Variants in MTUS2 observed in about 807,000 individuals in gnomAD.
The protein encoded by MTUS2 is microtubule associated scaffold protein 2, also known as microtubule-associated tumor suppressor candidate 2.
In MTUS2, 40 loss-of-function variants were observed where a neutral mutation model predicts 114.1. That is an observed-to-expected ratio of 0.35 (90% confidence interval 0.27 to 0.46). The LOEUF (loss-of-function observed/expected upper bound fraction) is 0.46. Among genes scored for constraint, MTUS2 ranks in the 20% least tolerant of loss-of-function variants. MTUS2 has a pLI of 1.00. For missense variants in MTUS2, 1,679 were observed against 1,705.4 expected (o/e 0.98, Z 0.27); for synonymous variants, 688 against 672.0 (o/e 1.02, Z -0.37).
chr13:29,011,982 G>A (rs1312847897), intron 2 of MTUS2, among the ~76,000 whole-genome samples: 3 of 152,220 alleles, frequency 2.0e-5, no homozygotes, highest in Non-Finnish European at 4.4e-5. Flanking sequence ...CCTGTGTAAA[G>A]TGACCTGGTG....
intron 2 of MTUS2, among the ~76,000 whole-genome samples, chr13:28,910,346 T>G (rs1880334605): frequency 1.3e-5 from 2 of 151,700 alleles, no homozygotes; most frequent in African/African-American, 4.9e-5. Context: ...CCTTCCATTC[T>G]TTTTTTGTTC....
intron 8 of MTUS2, among the ~76,000 whole-genome samples, chr13:29,418,458 C>T (rs919853178): frequency 6.6e-6 from 1 of 152,196 alleles, no homozygotes; most frequent in Non-Finnish European, 1.5e-5. Flanking sequence ...TCTGCTCATA[C>T]AGATCAAGTA....
chr13:29,264,955 G>A (rs748367940), intron 5 of MTUS2, among the ~76,000 whole-genome samples: 3 of 152,214 alleles, frequency 2.0e-5, no homozygotes, highest in Non-Finnish European at 4.4e-5. Flanking sequence ...CTAGCAAGTG[G>A]TTGCTCCATA....
chr13:29,437,128 C>T (rs1877472860), intron 8 of MTUS2, among the ~76,000 whole-genome samples: 1 of 152,144 alleles, frequency 6.6e-6, no homozygotes, highest in Non-Finnish European at 1.5e-5. Context: ...TAACGTCCAG[C>T]AGGGGCCATG....
At chr13:29,155,499 C>A (rs377305926) in intron 5 of MTUS2, among the ~76,000 whole-genome samples, 1 of 152,166 alleles carries the variant, frequency 6.6e-6, no homozygotes, top group Non-Finnish European at 1.5e-5. Context: ...AGAAGCCATG[C>A]CCTCATGGGA....
chr13:29,358,632 G>T (rs1262539048), intron 7 of MTUS2, among the ~76,000 whole-genome samples: 2 of 152,214 alleles, frequency 1.3e-5, no homozygotes, highest in South Asian at 2.1e-4. Context: ...AGTGAGAGGG[G>T]ATGGCGGCTC....
intron 4 of MTUS2, among the ~76,000 whole-genome samples, chr13:29,058,594 T>A (rs1347296201): frequency 6.6e-6 from 1 of 150,618 alleles, no homozygotes; most frequent in Admixed American, 6.6e-5. Flanking sequence ...TTATTATTTT[T>A]TTATTTTTTT....
intron 1 of MTUS2, among the ~76,000 whole-genome samples, chr13:28,836,803 G>T (rs2137970859): frequency 6.6e-6 from 1 of 152,234 alleles, no homozygotes. Context: ...GGCTGAGCTG[G>T]AGCTGAGGGC....
chr13:29,180,467 C>T (rs1239962695), intron 5 of MTUS2, among the ~76,000 whole-genome samples: 1 of 152,166 alleles, frequency 6.6e-6, no homozygotes, highest in East Asian at 1.9e-4. Flanking sequence ...CTTACATAGG[C>T]AAATCTTAAG....
chr13:29,301,744 G>GT (rs1470607826), intron 6 of MTUS2, among the ~76,000 whole-genome samples: 3 of 152,202 alleles, frequency 2.0e-5, no homozygotes, highest in Non-Finnish European at 4.4e-5. Flanking sequence ...TAATCCATAG[G>GT]TTTTATCTTA....
chr13:29,452,877 TCCA>T (rs1878827176), intron 9 of MTUS2, among the ~76,000 whole-genome samples: 1 of 152,208 alleles, frequency 6.6e-6, no homozygotes, highest in Non-Finnish European at 1.5e-5. Context: ...GTCAGCTGCC[TCCA>T]CTGGTTTGGG....
rs867086824 is a variant in MTUS2 at position 29,148,668 on chromosome 13, C to T, written c.2644+47698C>T. Among the ~76,000 whole-genome samples the T allele has an allele frequency of 4.8e-3, 445 of 92,502 alleles. 38 individuals carry two copies. The highest frequency in any genetic ancestry group is 0.012 in the African/African-American group (417 of 34,842). The allele number at this position is 92,502 out of a possible 152,430, so 60.7% of individuals were successfully genotyped here. ...TAATTTTTTGTATTTTTAGTAGAGACGGGGTTTCACCGTTTTAGCCGGGAT... is the reference window on the plus strand; with the variant it reads ...TAATTTTTTGTATTTTTAGTAGAGATGGGGTTTCACCGTTTTAGCCGGGAT... On this transcript the variant is annotated intron_variant, in intron 5 of 15. Coordinates refer to ENST00000612955, the MANE Select transcript of MTUS2 (RefSeq NM_001033602.4).
intron 9 of MTUS2, among the ~76,000 whole-genome samples, chr13:29,443,139 T>C (rs953429858): frequency 1.3e-5 from 2 of 152,164 alleles, no homozygotes; most frequent in Non-Finnish European, 2.9e-5. Flanking sequence ...TTCCCCTTCA[T>C]AAAATGGAAA....
chr13:29,476,991 G>A (rs954501009), intron 9 of MTUS2: 1 of 152,174 alleles, frequency 6.6e-6, no homozygotes, highest in African/African-American at 2.4e-5. Flanking sequence ...CCCATCCACA[G>A]GTACATGATA....
intron 11 of MTUS2, among the ~76,000 whole-genome samples, chr13:29,492,034 T>TGTA (rs1566235703): frequency 6.7e-4 from 57 of 84,598 alleles, no homozygotes; most frequent in Admixed American, 1.9e-3. Flanking sequence ...GTGTGTGTAG[T>TGTA]GTGTGTGTAT....
chr13:29,218,975 TA>T (rs1234578404), intron 5 of MTUS2, among the ~76,000 whole-genome samples: 32 of 151,564 alleles, frequency 2.1e-4, no homozygotes, highest in Admixed American at 4.6e-4. Context: ...TTGTCATATA[TA>T]TTTTTTTTAT....
At chr13:29,202,483 C>G (rs964134783) in intron 5 of MTUS2, among the ~76,000 whole-genome samples, 15 of 152,132 alleles carry the variant, frequency 9.9e-5, no homozygotes, top group Admixed American at 9.8e-4. Flanking sequence ...ATTGGTATTA[C>G]ACACCTTCTG....
intron 2 of MTUS2, among the ~76,000 whole-genome samples, chr13:28,902,135 T>C (rs1879681726): frequency 6.6e-6 from 1 of 152,188 alleles, no homozygotes; most frequent in Non-Finnish European, 1.5e-5. Flanking sequence ...ATACTTGTTC[T>C]TATAAGCATA....
chr13:28,866,328 C>G (rs1274781989), intron 2 of MTUS2, among the ~76,000 whole-genome samples: 1 of 152,144 alleles, frequency 6.6e-6, no homozygotes, highest in Admixed American at 6.5e-5. Context: ...TTGTGAAATT[C>G]AGGTATCAGA....
Sources: allele counts gnomAD v4.1 joint callset (sites outside exome capture counted in the v4.1 genomes callset), GRCh38; gene constraint gnomAD v4.1.1; transcripts MANE v1.5; gene names NCBI Gene and HGNC (gene_info 2026-07-23, HGNC 2026-07-21).